Variants in ANKRD30B observed in about 807,000 individuals in gnomAD.
ANKRD30B encodes ankyrin repeat domain 30B, also known as ankyrin repeat domain-containing protein 30B.
A neutral mutation model predicts 202.2 loss-of-function variants in ANKRD30B; 144 were observed. The observed-to-expected ratio is 0.71, with a 90% CI of 0.62 to 0.82. The LOEUF (loss-of-function observed/expected upper bound fraction) is 0.82. Among genes scored for constraint, ANKRD30B ranks in the 40% least tolerant of loss-of-function variants. ANKRD30B has a pLI of 0.00. For synonymous variants in ANKRD30B, 508 were observed against 561.3 expected (o/e 0.91, Z 1.34); for missense variants, 1,487 against 1,669.1 (o/e 0.89, Z 1.90).
At chr18:14,766,483 AAAAAAAAAAAAAAAG>A (rs1350698086) in intron 7 of ANKRD30B, among the ~76,000 whole-genome samples, 63 of 72,902 alleles carry the variant, frequency 8.6e-4, no homozygotes, top group African/African-American at 2.5e-3. Context: ...AAAAAAAAAA[AAAAAAAAAAAAAAAG>A]AAAAGAAAAG....
intron 30 of ANKRD30B, among the ~76,000 whole-genome samples, chr18:14,820,812 G>C (rs1378652299): frequency 6.6e-6 from 1 of 152,236 alleles, no homozygotes. Flanking sequence ...AAGGATATTG[G>C]TCTAAAATTC....
At chr18:14,837,379 A>T (rs1240159268) in intron 35 of ANKRD30B, 90 bp downstream of exon 35, 1 of 1,184,910 alleles carries the variant, frequency 8.4e-7, no homozygotes, top group Non-Finnish European at 1.2e-6. Flanking sequence ...AAATGCTGTT[A>T]TATAGAAAAC....
the ANKRD30B span, among the ~76,000 whole-genome samples, chr18:14,940,275 C>A: frequency 6.6e-6 from 1 of 152,218 alleles, no homozygotes; most frequent in Non-Finnish European, 1.5e-5. Flanking sequence ...GGAAACAAAG[C>A]TTGCCTAGAG....
intron 7 of ANKRD30B, among the ~76,000 whole-genome samples, chr18:14,768,378 G>C (rs1260803744): frequency 1.3e-5 from 2 of 152,068 alleles, no homozygotes; most frequent in African/African-American, 4.8e-5. Context: ...GTTTCCCTTA[G>C]TATTTGGGGC....
In ANKRD30B at chr18:14,828,265, T is replaced by C. The variant is rs775706863; in HGVS notation, c.2744-13T>C. 1.3e-6 allele frequency: 2 copies of C among 1,526,554 alleles called. No homozygotes were observed. Among genetic ancestry groups the C allele is most frequent in the African/African-American group, 2.8e-5 (2 of 71,478 alleles). 94.6% of individuals were successfully genotyped at this position (1,526,554 alleles called of 1,614,324 possible). On this transcript the variant is annotated splice_polypyrimidine_tract_variant and intron_variant, in intron 32 of 43. Transcript: ENST00000690538. ...TTTGTTGATTTAATGTATTTTACTC[T>C]TTTCTTTAATAGAGGATGTGAGTTC...
At position 14,799,216 on chromosome 18, in the gene ANKRD30B, C is replaced by T. The variant is rs1307033541; in HGVS notation, c.2059-7C>T. On this transcript the variant is annotated splice_polypyrimidine_tract_variant and splice_region_variant and intron_variant, in intron 21 of 43. Transcript: ENST00000690538. Reference sequence around the variant, plus strand: ...ATGTTAATTTTTGTGTTTCCAAACCCATTTAGCCTACCTGTGGAAGGAAAG... The same window carrying T: ...ATGTTAATTTTTGTGTTTCCAAACCTATTTAGCCTACCTGTGGAAGGAAAG... 5 of 1,580,236 alleles carry T rather than the reference C, an allele frequency of 3.2e-6. No individual in the cohort carries two copies. In the African/African-American group the frequency reaches 5.5e-5, roughly 17 times the overall value.
At chr18:14,920,549 T>A in the ANKRD30B span, among the ~76,000 whole-genome samples, 2 of 152,186 alleles carry the variant, frequency 1.3e-5, no homozygotes, top group African/African-American at 4.8e-5. Context: ...CCTGGGGCTA[T>A]AGCACAAAAG....
chr18:14,820,341 A>G (rs1361317358), intron 30 of ANKRD30B, among the ~76,000 whole-genome samples: 2 of 152,076 alleles, frequency 1.3e-5, no homozygotes. Context: ...TTTCCTAATT[A>G]AATACCCTTT....
At chr18:14,755,421 T>G (rs1438345946) in intron 4 of ANKRD30B, among the ~76,000 whole-genome samples, 1 of 152,168 alleles carries the variant, frequency 6.6e-6, no homozygotes, top group East Asian at 1.9e-4. Flanking sequence ...ATTATACTTT[T>G]AAGTTTTAGG....
the ANKRD30B span, among the ~76,000 whole-genome samples, chr18:14,936,940 C>T: frequency 2.0e-5 from 3 of 152,184 alleles, no homozygotes; most frequent in South Asian, 6.2e-4. Context: ...CCTCTTTGCA[C>T]ACTTTCTACC....
At chr18:14,821,102 G>C (rs1348504242) in intron 30 of ANKRD30B, among the ~76,000 whole-genome samples, 1 of 152,200 alleles carries the variant, frequency 6.6e-6, no homozygotes. Context: ...GAGAGTGTGT[G>C]TATCGAGGAA....
At chr18:14,887,038 A>G in the ANKRD30B span, among the ~76,000 whole-genome samples, 5 of 152,140 alleles carry the variant, frequency 3.3e-5, no homozygotes, top group South Asian at 1.0e-3. Flanking sequence ...ACCAAATACT[A>G]TTTATGTAAA....
intron 7 of ANKRD30B, among the ~76,000 whole-genome samples, chr18:14,768,888 G>C (rs986362698): frequency 6.6e-6 from 1 of 152,156 alleles, no homozygotes; most frequent in Non-Finnish European, 1.5e-5. Flanking sequence ...ATTGTATACT[G>C]TAGCTCACTT....
At chr18:14,879,061 C>T in the ANKRD30B span, among the ~76,000 whole-genome samples, 1 of 151,738 alleles carries the variant, frequency 6.6e-6, no homozygotes, top group Admixed American at 6.6e-5. Flanking sequence ...GCGTTCTGCT[C>T]AGCACAGACC....
At chr18:14,918,418 A>C in the ANKRD30B span, among the ~76,000 whole-genome samples, 1 of 152,196 alleles carries the variant, frequency 6.6e-6, no homozygotes, top group Non-Finnish European at 1.5e-5. Flanking sequence ...GGAGCGTATT[A>C]ATATCTTATA....
intron 2 of ANKRD30B, 33 bp downstream of exon 2, chr18:14,752,713 G>A (rs1287546001): frequency 1.9e-6 from 3 of 1,568,920 alleles, no homozygotes; most frequent in Non-Finnish European, 2.6e-6. Flanking sequence ...AGCGGGAGAT[G>A]GATTTGGTTT....
At chr18:14,759,595 A>T (rs773168223) in intron 5 of ANKRD30B, among the ~76,000 whole-genome samples, 3 of 152,234 alleles carry the variant, frequency 2.0e-5, no homozygotes, top group Non-Finnish European at 4.4e-5. Flanking sequence ...CATCATTCTA[A>T]CAAAGATTTG....
chr18:14,825,888 A>C (rs1970637413), intron 32 of ANKRD30B, among the ~76,000 whole-genome samples: 1 of 152,180 alleles, frequency 6.6e-6, no homozygotes, highest in African/African-American at 2.4e-5. Flanking sequence ...GGGAGAGAAG[A>C]AATTTCAGGT....
chr18:14,792,134 T>G (rs1274167608), intron 16 of ANKRD30B, among the ~76,000 whole-genome samples: 1 of 152,316 alleles, frequency 6.6e-6, no homozygotes, highest in East Asian at 1.9e-4. Context: ...GAAAACCGTC[T>G]GAAAACCTTG....
Sources: allele counts gnomAD v4.1 joint callset (sites outside exome capture counted in the v4.1 genomes callset), GRCh38; gene constraint gnomAD v4.1.1; transcripts MANE v1.5; gene names NCBI Gene and HGNC (gene_info 2026-07-23, HGNC 2026-07-21).